The following METTL24 variants were observed in gnomAD, a reference collection of about 807,000 sequenced individuals.
The protein encoded by METTL24 is probable methyltransferase-like protein 24.
Under a neutral mutation model 32.7 loss-of-function variants are expected in METTL24, and 29 were observed. The ratio of observed to expected loss-of-function variants is 0.89; its 90% CI spans 0.66 to 1.21. METTL24 has a LOEUF of 1.21. METTL24 is among the 50% of genes most tolerant of loss of function. The pLI is 0.00. For missense variants in METTL24, 439 were observed against 468.1 expected (o/e 0.94, Z 0.57); for synonymous variants, 163 against 179.5 (o/e 0.91, Z 0.73).
rs762137730 is a variant in METTL24 at position 110,299,107 on chromosome 6, T to C, written c.601A>G (p.Asn201Asp). The C allele has an allele frequency of 7.4e-6, 12 of 1,614,080 alleles. No individual in the cohort carries two copies. Among genetic ancestry groups the C allele is most frequent in the East Asian group, 2.2e-5 (1 of 44,898 alleles). Residue 201 changes from asparagine to aspartate, a missense_variant, in exon 4 of 5, where the codon AAC becomes GAC. Physicochemically the swap from Asn to Asp is conservative, Grantham distance 23. Coordinates refer to ENST00000338882, the MANE Select transcript of METTL24 (RefSeq NM_001123364.3). Reference protein sequence around the residue: ...DTHFEVSMANNGCEVHRFDPS... With the variant: ...DTHFEVSMANDGCEVHRFDPS... The stretch of plus-strand genomic sequence containing the variant: ...TCAAAACGATGCACTTCACATCCGT[T>C]GTTGGCCATGCTAACCTCAAAATGG...
In METTL24 at chr6:110,316,793, G is replaced by T. The variant is rs527265327; in HGVS notation, c.418-1312C>A. On this transcript the variant is annotated intron_variant, in intron 2 of 4. Coordinates refer to ENST00000338882, the MANE Select transcript of METTL24 (RefSeq NM_001123364.3). The stretch of plus-strand genomic sequence containing the variant: ...TGCCTGTAGTCCCAGCTATTCAGGG[G>T]GGTTGATTAATTGAGCCTGGAAGGT... Among the ~76,000 whole-genome samples, 295 of 152,184 alleles carry T rather than the reference G, an allele frequency of 1.9e-3. 1 individual carries two copies. The highest frequency in any genetic ancestry group is 6.8e-3 in the African/African-American group (282 of 41,522).
At chr6:110,329,561 G>A (rs1772077451) in intron 1 of METTL24, among the ~76,000 whole-genome samples, 1 of 152,152 alleles carries the variant, frequency 6.6e-6, no homozygotes, top group Non-Finnish European at 1.5e-5. Context: ...GACAGAACAT[G>A]ACTCTAGCCC....
intron 1 of METTL24, among the ~76,000 whole-genome samples, chr6:110,332,909 G>GAA (rs777935788): frequency 4.2e-5 from 5 of 118,866 alleles, no homozygotes; most frequent in African/African-American, 9.3e-5. Context: ...AACATTTATC[G>GAA]AAAAAAAAAA....
chr6:110,286,313 A>C (rs1279933131), intron 4 of METTL24, among the ~76,000 whole-genome samples: 1 of 152,168 alleles, frequency 6.6e-6, no homozygotes, highest in Non-Finnish European at 1.5e-5. Context: ...CAAAGGGATG[A>C]TCTTCACATC....
chr6:110,349,154 G>A (rs1398263386), intron 1 of METTL24, among the ~76,000 whole-genome samples: 2 of 152,196 alleles, frequency 1.3e-5, no homozygotes, highest in Non-Finnish European at 1.5e-5. Flanking sequence ...ACTATACTGT[G>A]GTGACCGCTG....
chr6:110,313,999 A>G (rs761324071), intron 3 of METTL24, among the ~76,000 whole-genome samples: 17 of 152,086 alleles, frequency 1.1e-4, no homozygotes, highest in African/African-American at 3.6e-4. Flanking sequence ...ATCCACAATG[A>G]CCGGTAATTC....
At chr6:110,288,786 G>A (rs1309585839) in intron 4 of METTL24, among the ~76,000 whole-genome samples, 3 of 152,184 alleles carry the variant, frequency 2.0e-5, no homozygotes, top group African/African-American at 7.2e-5. Context: ...GTAGGTGGCA[G>A]TGGTGCTGGG....
At chr6:110,268,146 ATAGGCAC>A (rs1480097120) in intron 4 of METTL24, among the ~76,000 whole-genome samples, 1 of 152,194 alleles carries the variant, frequency 6.6e-6, no homozygotes, top group Non-Finnish European at 1.5e-5. Flanking sequence ...AGCAAATGAA[ATAGGCAC>A]TTTTGTTATC....
intron 4 of METTL24, among the ~76,000 whole-genome samples, chr6:110,246,546 T>C (rs145570430): frequency 1.3e-5 from 2 of 152,316 alleles, no homozygotes; most frequent in East Asian, 3.9e-4. Flanking sequence ...GCCTCCTGAG[T>C]AGCTGGGACT....
chr6:110,291,840 A>G (rs1771326555), intron 4 of METTL24, among the ~76,000 whole-genome samples: 2 of 152,114 alleles, frequency 1.3e-5, no homozygotes, highest in Admixed American at 1.3e-4. Flanking sequence ...TAATGTATAT[A>G]TGTGTTTCCA....
At chr6:110,321,408 T>C (rs1461409953) in intron 2 of METTL24, among the ~76,000 whole-genome samples, 5 of 152,212 alleles carry the variant, frequency 3.3e-5, no homozygotes, top group African/African-American at 1.2e-4. Context: ...TAGAATGGAA[T>C]TTGGTAGCTT....
intron 3 of METTL24, among the ~76,000 whole-genome samples, chr6:110,303,102 C>A (rs1771566580): frequency 6.6e-6 from 1 of 152,016 alleles, no homozygotes; most frequent in Non-Finnish European, 1.5e-5. Flanking sequence ...CATGAGGGAC[C>A]CTGCCATGAG....
chr6:110,337,885 T>G (rs1452583882), intron 1 of METTL24, among the ~76,000 whole-genome samples: 1 of 152,196 alleles, frequency 6.6e-6, no homozygotes, highest in Non-Finnish European at 1.5e-5. Flanking sequence ...TACTTCCCAT[T>G]TTATACTTAA....
At chr6:110,348,194 C>T (rs1016313606) in intron 1 of METTL24, among the ~76,000 whole-genome samples, 2 of 152,168 alleles carry the variant, frequency 1.3e-5, no homozygotes, top group Non-Finnish European at 2.9e-5. Context: ...TTCATCTTCA[C>T]GACAACCCTG....
intron 1 of METTL24, among the ~76,000 whole-genome samples, chr6:110,354,021 T>C (rs941740075): frequency 1.3e-5 from 2 of 152,134 alleles, no homozygotes; most frequent in Non-Finnish European, 2.9e-5. Flanking sequence ...TATGCATGCA[T>C]AGTATGCGAA....
At chr6:110,342,888 C>T (rs1772387430) in intron 1 of METTL24, among the ~76,000 whole-genome samples, 1 of 152,154 alleles carries the variant, frequency 6.6e-6, no homozygotes, top group African/African-American at 2.4e-5. Context: ...GTGCTTCATC[C>T]CTTTTTATAG....
At position 110,262,256 on chromosome 6, in the gene METTL24, T is replaced by C. The variant is rs557886807; in HGVS notation, c.787-15996A>G. On this transcript the variant is annotated intron_variant, in intron 4 of 4. Transcript: ENST00000338882. Reference sequence around the variant, plus strand: ...AAAAAGAAAAGAGAGAAGAATCAAATAGACACAATAATAATTGATAAAGGG... The same window carrying C: ...AAAAAGAAAAGAGAGAAGAATCAAACAGACACAATAATAATTGATAAAGGG... Among the ~76,000 whole-genome samples, 4 of 152,156 alleles carry C rather than the reference T, an allele frequency of 2.6e-5. No homozygotes were observed. The South Asian group carries it at 8.3e-4, about 32-fold the overall frequency.
At chr6:110,347,640 G>GTA (rs1772503200) in intron 1 of METTL24, among the ~76,000 whole-genome samples, 1 of 152,172 alleles carries the variant, frequency 6.6e-6, no homozygotes, top group Non-Finnish European at 1.5e-5. Flanking sequence ...TAACAGAGTG[G>GTA]TAGTAAGTGA....
At chr6:110,258,814 AC>A (rs1778433253) in intron 4 of METTL24, among the ~76,000 whole-genome samples, 1 of 151,988 alleles carries the variant, frequency 6.6e-6, no homozygotes, top group African/African-American at 2.4e-5. Flanking sequence ...ACACACACAC[AC>A]ACACACAACA....
Sources: allele counts gnomAD v4.1 joint callset (sites outside exome capture counted in the v4.1 genomes callset), GRCh38; gene constraint gnomAD v4.1.1; transcripts MANE v1.5; gene names NCBI Gene and HGNC (gene_info 2026-07-23, HGNC 2026-07-21).